Variants in NTM observed in about 807,000 individuals in gnomAD.
NTM encodes IgLON family member 2.
A neutral mutation model predicts 42.1 loss-of-function variants in NTM; 13 were observed. That is an observed-to-expected ratio of 0.31 (90% CI 0.20 to 0.49). The LOEUF (loss-of-function observed/expected upper bound fraction) is 0.49. Ranked by LOEUF, NTM falls within the 20% of genes least tolerant of loss-of-function variation. The pLI is 0.99. For missense variants in NTM, 373 were observed against 452.8 expected (o/e 0.82, Z 1.60); for synonymous variants, 187 against 179.2 (o/e 1.04, Z -0.35).
chr11:132,318,058 C>T (rs2136221795), intron 7 of NTM, among the ~76,000 whole-genome samples: 1 of 152,326 alleles, frequency 6.6e-6, no homozygotes, highest in South Asian at 2.1e-4. Context: ...GACCCCTCAG[C>T]AGCAGAGTCA....
intron 1 of NTM, among the ~76,000 whole-genome samples, chr11:131,893,748 C>T (rs1192303370): frequency 1.3e-5 from 2 of 152,086 alleles, no homozygotes; most frequent in African/African-American, 4.8e-5. Context: ...TGGGGTGTGT[C>T]CATGCTCAGC....
intron 7 of NTM, among the ~76,000 whole-genome samples, chr11:132,315,937 C>A (rs1466773276): frequency 7.0e-6 from 1 of 143,840 alleles, no homozygotes; most frequent in East Asian, 1.9e-4. Flanking sequence ...ATTTTTCATG[C>A]CTTTTTGCCT....
At chr11:132,233,032 AAG>A (rs562111155) in intron 4 of NTM, among the ~76,000 whole-genome samples, 225 of 152,352 alleles carry the variant, frequency 1.5e-3, no homozygotes, top group African/African-American at 5.0e-3. Flanking sequence ...TAAGGAAATG[AAG>A]AGAGTTGAAC....
chr11:131,912,362 G>T (rs973182139), intron 2 of NTM, among the ~76,000 whole-genome samples: 2 of 149,854 alleles, frequency 1.3e-5, no homozygotes, highest in African/African-American at 5.1e-5. Flanking sequence ...CTAGGTTTCA[G>T]TGTTGGGTTG....
At chr11:131,771,717 T>C (rs551888964) in intron 1 of NTM, 1 of 152,276 alleles carries the variant, frequency 6.6e-6, no homozygotes, top group Non-Finnish European at 1.5e-5. Flanking sequence ...TGGAACACAC[T>C]TGGAGCTCTG....
At chr11:131,808,156 T>C (rs2092591134) in intron 1 of NTM, among the ~76,000 whole-genome samples, 1 of 152,140 alleles carries the variant, frequency 6.6e-6, no homozygotes, top group Non-Finnish European at 1.5e-5. Context: ...GAAATGGGAT[T>C]TATTATCTGA....
At chr11:131,599,912 G>A (rs781236640) in intron 1 of NTM, among the ~76,000 whole-genome samples, 2 of 152,180 alleles carry the variant, frequency 1.3e-5, no homozygotes, top group African/African-American at 4.8e-5. Flanking sequence ...TAGACCCTGC[G>A]GGTGACTCCC....
chr11:132,133,005 T>G (rs2067113332), intron 2 of NTM, among the ~76,000 whole-genome samples: 1 of 152,188 alleles, frequency 6.6e-6, no homozygotes, highest in South Asian at 2.1e-4. Context: ...GAAAAGACTA[T>G]TACTAATTTT....
intron 2 of NTM, among the ~76,000 whole-genome samples, chr11:132,101,822 A>G (rs1023862673): frequency 6.6e-6 from 1 of 152,126 alleles, no homozygotes; most frequent in African/African-American, 2.4e-5. Context: ...ACCTAACTCC[A>G]ACCTTGCATC....
chr11:131,554,616 T>C (rs970571538), intron 1 of NTM, among the ~76,000 whole-genome samples: 2 of 151,682 alleles, frequency 1.3e-5, no homozygotes, highest in African/African-American at 4.8e-5. Flanking sequence ...GTCTACTGCA[T>C]CCTCCTGGGT....
intron 7 of NTM, among the ~76,000 whole-genome samples, chr11:132,327,182 C>G (rs2095700934): frequency 6.6e-6 from 1 of 152,194 alleles, no homozygotes; most frequent in African/African-American, 2.4e-5. Context: ...GGCTTCTGCA[C>G]AGTAAACTGT....
At chr11:131,949,629 A>G (rs2060760139) in intron 2 of NTM, among the ~76,000 whole-genome samples, 1 of 152,172 alleles carries the variant, frequency 6.6e-6, no homozygotes, top group Non-Finnish European at 1.5e-5. Flanking sequence ...TACTGGCCCT[A>G]TACCTAGAAC....
At chr11:131,465,872 G>A (rs553194702) in intron 1 of NTM, among the ~76,000 whole-genome samples, 1 of 151,376 alleles carries the variant, frequency 6.6e-6, no homozygotes, top group East Asian at 1.9e-4. Flanking sequence ...GGAGCCGTGA[G>A]ACCCCTCTCT....
chr11:131,679,149 A>T (rs1002742767), intron 1 of NTM, among the ~76,000 whole-genome samples: 1 of 152,224 alleles, frequency 6.6e-6, no homozygotes, highest in Middle Eastern at 3.4e-3. Flanking sequence ...CTGCTCACAG[A>T]TGGAAGTCAG....
In NTM at chr11:131,721,175, C is replaced by T. The variant is rs144386363; in HGVS notation, c.83-190389C>T. Among the ~76,000 whole-genome samples, 362 of 152,048 alleles carry T rather than the reference C, an allele frequency of 2.4e-3. 1 individual carries two copies. Among genetic ancestry groups the T allele is most frequent in the African/African-American group, 8.1e-3 (336 of 41,494 alleles). On this transcript the variant is annotated intron_variant, in intron 1 of 8. Transcript: ENST00000683400. The stretch of plus-strand genomic sequence containing the variant: ...AATTAGGATAAGTGACCCCGGGAAA[C>T]CAGAGTAACTCAGCTAATTAGTAGC...
chr11:132,073,662 A>G (rs1265869085), intron 2 of NTM, among the ~76,000 whole-genome samples: 1 of 152,202 alleles, frequency 6.6e-6, no homozygotes, highest in Non-Finnish European at 1.5e-5. Flanking sequence ...GGTCAATTTC[A>G]TTTTGAAATA....
At chr11:131,471,093 C>T (rs1417163726) in intron 1 of NTM, among the ~76,000 whole-genome samples, 2 of 152,104 alleles carry the variant, frequency 1.3e-5, no homozygotes, top group African/African-American at 2.4e-5. Context: ...CAATCAAATG[C>T]GATTGACCAA....
intron 2 of NTM, among the ~76,000 whole-genome samples, chr11:132,094,961 T>C (rs1208379413): frequency 6.6e-6 from 1 of 152,198 alleles, no homozygotes; most frequent in African/African-American, 2.4e-5. Flanking sequence ...TCTCAGCTTT[T>C]AGTGGTTAGG....
At chr11:131,724,822 G>T (rs957659940) in intron 1 of NTM, among the ~76,000 whole-genome samples, 1 of 152,226 alleles carries the variant, frequency 6.6e-6, no homozygotes, top group African/African-American at 2.4e-5. Flanking sequence ...AGCCTGGGGT[G>T]GGGAGAGCAG....
Sources: allele counts gnomAD v4.1 joint callset (sites outside exome capture counted in the v4.1 genomes callset), GRCh38; gene constraint gnomAD v4.1.1; transcripts MANE v1.5; gene names NCBI Gene and HGNC (gene_info 2026-07-23, HGNC 2026-07-21).